The following PSD2 variants were observed in gnomAD, a reference collection of about 807,000 sequenced individuals.
The protein encoded by PSD2 is pleckstrin and Sec7 domain containing 2.
A neutral mutation model predicts 69.8 loss-of-function variants in PSD2; 38 were observed. That is an observed-to-expected ratio of 0.54 (90% CI 0.42 to 0.71). The LOEUF (loss-of-function observed/expected upper bound fraction) is 0.71. Among genes scored for constraint, PSD2 ranks in the 30% least tolerant of loss-of-function variants. The pLI, the probability that PSD2 is intolerant of heterozygous loss-of-function variation, is 0.00. For missense variants in PSD2, 943 were observed against 1,014.5 expected, an observed-to-expected ratio of 0.93 and a Z score of 0.96; for synonymous variants, 412 against 423.0, an observed-to-expected ratio of 0.97 and a Z score of 0.32.
chr5:139,793,874 T>C (rs544598988), upstream of PSD2, among the ~76,000 whole-genome samples: 12 of 152,268 alleles, frequency 7.9e-5, no homozygotes, highest in African/African-American at 2.9e-4. Context: ...ACCATCCTCA[T>C]TGGGCAGATG....
At chr5:139,803,263 A>G (rs1395358077) in intron 1 of PSD2, among the ~76,000 whole-genome samples, 1 of 152,214 alleles carries the variant, frequency 6.6e-6, no homozygotes, top group Non-Finnish European at 1.5e-5. Flanking sequence ...TCTACCCTCT[A>G]GCTGGGCTTC....
chr5:139,765,587 C>T, the PSD2 span, among the ~76,000 whole-genome samples: 2 of 152,266 alleles, frequency 1.3e-5, no homozygotes, highest in South Asian at 2.1e-4. Context: ...ACCTCCCACC[C>T]TCCAAGCCCA....
chr5:139,744,922 T>G, the PSD2 span: 1 of 152,490 alleles, frequency 6.6e-6, no homozygotes, highest in East Asian at 1.9e-4. Context: ...CAGGAGGGCA[T>G]GGTTTTACAG....
At chr5:139,761,669 A>G in the PSD2 span, among the ~76,000 whole-genome samples, 6 of 152,000 alleles carry the variant, frequency 3.9e-5, no homozygotes, top group African/African-American at 1.5e-4. Context: ...GCTTTCCATG[A>G]CCCTTGCTTG....
chr5:139,836,145 G>C lies in PSD2; in HGVS notation c.1403+379G>C, dbSNP rs554486908. ...ACCTGGAGAATATGACCACGTTTAG[G>C]TGGTGACTGTTATTGACAGTGGGAA... On this transcript the variant is annotated intron_variant, in intron 9 of 14. Transcript: ENST00000274710. Among the ~76,000 whole-genome samples, 3 of 152,334 alleles carry C rather than the reference G, an allele frequency of 2.0e-5. No homozygotes were observed. The South Asian group carries it at 6.2e-4, about 32-fold the overall frequency.
chr5:139,767,785 G>A, the PSD2 span, among the ~76,000 whole-genome samples: 1 of 152,214 alleles, frequency 6.6e-6, no homozygotes, highest in Admixed American at 6.5e-5. Context: ...TTTGTGCCAG[G>A]TGCTGTGCAA....
At chr5:139,782,501 T>C in the PSD2 span, among the ~76,000 whole-genome samples, 1 of 148,446 alleles carries the variant, frequency 6.7e-6, no homozygotes, top group African/African-American at 2.5e-5. Context: ...TTTTTTTTTT[T>C]TTTTTTTTTG....
rs114271113 is a variant in PSD2, at chr5:139,825,760, C to G, written c.1269+2976C>G. Among the ~76,000 whole-genome samples, 1,234 of 152,076 alleles carry G rather than the reference C, an allele frequency of 8.1e-3. 10 individuals carry two copies. The highest frequency in any genetic ancestry group is 0.028 in the African/African-American group (1,161 of 41,470). On this transcript the variant is annotated intron_variant, in intron 7 of 14. Transcript: ENST00000274710. ...TTTCTGATGCCTCTAGACATCAGTGCGGGGAGGCCAAGGAGGCAGTAACAT... is the reference window on the plus strand; with the variant it reads ...TTTCTGATGCCTCTAGACATCAGTGGGGGGAGGCCAAGGAGGCAGTAACAT...
chr5:139,822,936 G>A (rs529861741), intron 7 of PSD2, 152 bp downstream of exon 7: 18 of 583,960 alleles, frequency 3.1e-5, no homozygotes, highest in Non-Finnish European at 5.0e-5. Context: ...ATTTGGCCCC[G>A]CCCTAGTTTC....
chr5:139,820,525 T>C (rs150615097), intron 5 of PSD2, among the ~76,000 whole-genome samples: 3 of 152,106 alleles, frequency 2.0e-5, no homozygotes, highest in Non-Finnish European at 4.4e-5. Flanking sequence ...AGTCATGGCT[T>C]GCAGGTCCCA....
the PSD2 span, among the ~76,000 whole-genome samples, chr5:139,750,511 C>T: frequency 6.6e-6 from 1 of 152,204 alleles, no homozygotes; most frequent in African/African-American, 2.4e-5. Context: ...CCCATAGCCA[C>T]ATCATCAAAG....
At chr5:139,788,417 C>T in the PSD2 span, among the ~76,000 whole-genome samples, 5 of 151,920 alleles carry the variant, frequency 3.3e-5, no homozygotes, top group East Asian at 6.2e-4. Flanking sequence ...GCGCCCCGCT[C>T]CCTGGGCCTC....
At chr5:139,757,770 C>T in the PSD2 span, among the ~76,000 whole-genome samples, 1 of 152,196 alleles carries the variant, frequency 6.6e-6, no homozygotes, top group Non-Finnish European at 1.5e-5. Context: ...CAAGGACTTT[C>T]ACCTCTGTCC....
chr5:139,760,539 G>A, the PSD2 span, among the ~76,000 whole-genome samples: 1 of 152,132 alleles, frequency 6.6e-6, no homozygotes, highest in African/African-American at 2.4e-5. Flanking sequence ...GGGTTGTGCC[G>A]CCAGGAGAGT....
intron 1 of PSD2, among the ~76,000 whole-genome samples, chr5:139,799,223 C>T (rs1437840466): frequency 1.3e-5 from 2 of 152,174 alleles, no homozygotes; most frequent in African/African-American, 2.4e-5. Flanking sequence ...CCTCCCCCTT[C>T]CCTACCTCCA....
At position 139,839,878 on chromosome 5, in the gene PSD2, G is replaced by T; in HGVS notation, c.1969-149G>T. On this transcript the variant is annotated intron_variant, in intron 13 of 14. Transcript: ENST00000274710. The surrounding 1 kb of genome is among the most constrained non-coding windows in gnomAD (Gnocchi z 5.1). The stretch of plus-strand genomic sequence containing the variant: ...GGTGGGAGGAAGAGCATGCCCTCAG[G>T]TCCAGAGTCTGGCTCTGTCCCCACA... 3.8e-6 allele frequency: 3 copies of T among 787,748 alleles called. No individual in the cohort carries two copies. The highest frequency in any genetic ancestry group is 4.1e-6 in the Non-Finnish European group (2 of 486,460). The allele number at this position is 787,748 out of a possible 1,614,324, so 48.8% of individuals were successfully genotyped here. A position where few individuals can be genotyped will look rare whatever the true frequency, so the allele number is the denominator to read the frequency against.
chr5:139,749,051 C>T, the PSD2 span, among the ~76,000 whole-genome samples: 1 of 152,094 alleles, frequency 6.6e-6, no homozygotes, highest in Non-Finnish European at 1.5e-5. Flanking sequence ...TCTCCCCCTT[C>T]GTCTCCCCAG....
chr5:139,782,534 C>T, the PSD2 span, among the ~76,000 whole-genome samples: 1 of 148,714 alleles, frequency 6.7e-6, no homozygotes, highest in South Asian at 2.1e-4. Flanking sequence ...ACTCCATAGC[C>T]CAGGCTGGAG....
chr5:139,809,822 G>A lies in PSD2; in HGVS notation c.371+11G>A, dbSNP rs1367734576. The A allele has an allele frequency of 1.9e-6, 3 of 1,613,166 alleles. No individual in the cohort carries two copies. In the African/African-American group the frequency reaches 4.0e-5, roughly 22 times the overall value. On this transcript the variant is annotated intron_variant, in intron 2 of 14. Coordinates refer to ENST00000274710, the MANE Select transcript of PSD2 (RefSeq NM_032289.4). ...GGACCCTCAGCTGGGGTGAGTGGAT[G>A]TCTTGGGATGGGAGCTCACCACATT...
Sources: gnomAD v4.1 joint callset for allele counts (sites outside exome capture counted in the v4.1 genomes callset) on GRCh38, gnomAD v4.1.1 for gene constraint, Gnocchi (gnomAD v3.1) non-coding constraint, MANE v1.5 for transcripts, NCBI Gene and HGNC (gene_info 2026-07-23, HGNC 2026-07-21) for gene names.